Variants in EPM2A observed in about 807,000 individuals in gnomAD.
EPM2A encodes laforin.
Under a neutral mutation model 26.5 loss-of-function variants are expected in EPM2A, and 21 were observed. The ratio of observed to expected loss-of-function variants is 0.79; its 90% confidence interval spans 0.56 to 1.14. The LOEUF is 1.14. EPM2A is among the 50% of genes most tolerant of loss of function. The probability of loss-of-function intolerance (pLI) is 0.00; values close to 1 mark genes in which losing one functional copy is unlikely to be tolerated. For synonymous variants in EPM2A, 217 were observed against 177.6 expected (o/e 1.22, Z -1.76); for missense variants, 458 against 440.8 (o/e 1.04, Z -0.35).
At chr6:145,666,161 A>T (rs1779169866) in intron 2 of EPM2A, among the ~76,000 whole-genome samples, 2 of 140,156 alleles carry the variant, frequency 1.4e-5, no homozygotes, top group African/African-American at 5.6e-5. Context: ...AGTTCTGGCC[A>T]GGGCAATCAG....
At chr6:145,610,320 ACT>A (rs1196477457) in intron 2 of EPM2A, among the ~76,000 whole-genome samples, 3 of 152,198 alleles carry the variant, frequency 2.0e-5, no homozygotes, top group Non-Finnish European at 4.4e-5. Flanking sequence ...CAATTTTCCA[ACT>A]CTGTTTAGAA....
intron 1 of EPM2A, among the ~76,000 whole-genome samples, chr6:145,720,031 T>C (rs1775868127): frequency 6.6e-6 from 1 of 152,218 alleles, no homozygotes; most frequent in African/African-American, 2.4e-5. Flanking sequence ...ATTTGGATCA[T>C]ATCTCTCAAC....
At chr6:145,608,934 A>G (rs1485762106) in intron 2 of EPM2A, among the ~76,000 whole-genome samples, 1 of 152,220 alleles carries the variant, frequency 6.6e-6, no homozygotes, top group Non-Finnish European at 1.5e-5. Flanking sequence ...GGGAAAATAG[A>G]AAACTACTCA....
At chr6:145,413,930 C>T (rs1313971124) in intron 4 of EPM2A, among the ~76,000 whole-genome samples, 2 of 152,150 alleles carry the variant, frequency 1.3e-5, no homozygotes, top group Non-Finnish European at 2.9e-5. Flanking sequence ...TGTACTTGGC[C>T]TCTTCCCCCT....
chr6:145,447,976 A>T (rs1779147354), intron 4 of EPM2A, among the ~76,000 whole-genome samples: 1 of 152,144 alleles, frequency 6.6e-6, no homozygotes, highest in African/African-American at 2.4e-5. Flanking sequence ...CTTATACTTG[A>T]TAAACTATTG....
chr6:145,690,265 C>T lies in EPM2A; in HGVS notation c.302-3969G>A, dbSNP rs983705453. Among the ~76,000 whole-genome samples, 4 of 152,034 alleles carry T rather than the reference C, an allele frequency of 2.6e-5. No homozygotes were observed. In the East Asian group the frequency reaches 7.7e-4, roughly 29 times the overall value. ...GTGGCTCACGCCTGTAATCCCAGCA[C>T]TTTGGGAGGCCGAGGCGGGTGGATC... On this transcript the variant is annotated intron_variant, in intron 1 of 3. Coordinates refer to ENST00000367519, the MANE Select transcript of EPM2A (RefSeq NM_005670.4).
chr6:145,518,620 AAAAC>A (rs1490207918), intron 2 of EPM2A, among the ~76,000 whole-genome samples: 7 of 141,386 alleles, frequency 5.0e-5, no homozygotes, highest in African/African-American at 1.8e-4. Flanking sequence ...AAAAAAAAAA[AAAAC>A]AAAGAGGTTT....
chr6:145,693,902 G>A (rs1486736263), intron 1 of EPM2A, among the ~76,000 whole-genome samples: 1 of 151,900 alleles, frequency 6.6e-6, no homozygotes, highest in Non-Finnish European at 1.5e-5. Flanking sequence ...ATGTGTAGGA[G>A]TAAGGGAACT....
intron 4 of EPM2A, among the ~76,000 whole-genome samples, chr6:145,413,529 G>A (rs755994742): frequency 6.6e-6 from 1 of 152,044 alleles, no homozygotes; most frequent in African/African-American, 2.4e-5. Flanking sequence ...TTTCCAGCCC[G>A]TGGTTGAATC....
At chr6:145,449,240 A>T (rs2114707292) in intron 4 of EPM2A, among the ~76,000 whole-genome samples, 1 of 152,334 alleles carries the variant, frequency 6.6e-6, no homozygotes, top group African/African-American at 2.4e-5. Context: ...TGCCAAGTGC[A>T]AGGTTTCAGG....
intron 4 of EPM2A, among the ~76,000 whole-genome samples, chr6:145,457,464 C>A (rs565187221): frequency 3.4e-4 from 48 of 139,286 alleles, no homozygotes; most frequent in African/African-American, 1.2e-3. Context: ...AGCCTGGGCA[C>A]TAGAGTGACT....
Position 145,581,696 on chromosome 6 carries a change from A to T in EPM2A, c.340+53549T>A, listed in dbSNP as rs554959560. On this transcript the variant is annotated intron_variant, in intron 2 of 3. Coordinates refer to the EPM2A transcript ENST00000450221. ...TGATGTAAGAAAGGGGTCCAGTTTC[A>T]TTCTGCCTACAACTGGCCAGTTATC... 3.9e-5 allele frequency among the ~76,000 whole-genome samples: 6 copies of T among 152,300 alleles called. No individual in the cohort carries two copies. The South Asian group carries it at 1.2e-3, about 32-fold the overall frequency.
At chr6:145,506,180 G>A (rs981063168) in intron 2 of EPM2A, among the ~76,000 whole-genome samples, 1 of 152,176 alleles carries the variant, frequency 6.6e-6, no homozygotes, top group Non-Finnish European at 1.5e-5. Flanking sequence ...TAGTTGATTT[G>A]TGTTATAGCA....
chr6:145,620,846 T>C (rs1488881990), downstream of EPM2A, among the ~76,000 whole-genome samples: 3 of 152,248 alleles, frequency 2.0e-5, no homozygotes, highest in African/African-American at 2.4e-5. Flanking sequence ...CTGTCAAATA[T>C]TGTATTATTT....
rs966314930 is a variant in EPM2A, at chr6:145,635,414, T to A, written c.549A>T (p.Glu183Asp). Residue 183 changes from glutamate (E) to aspartate (D), a missense_variant, in exon 3 of 4, where the codon GAA becomes GAT. Transcript: ENST00000367519. The stretch of plus-strand genomic sequence containing the variant: ...AATTCATTACAGCTGTAATCCCCAA[T>A]TCATGCTTCAGTTTGATGGTTACAT... ...VEHVTIKLKH[E>D]LGITAVMNFQ... 6.2e-7 allele frequency: 1 copy of A among 1,614,112 alleles called. No homozygotes were observed. Among genetic ancestry groups the A allele is most frequent in the Non-Finnish European group, 8.5e-7 (1 of 1,179,968 alleles).
At chr6:145,644,743 C>G (rs767660873) in intron 2 of EPM2A, among the ~76,000 whole-genome samples, 2 of 151,976 alleles carry the variant, frequency 1.3e-5, no homozygotes, top group Non-Finnish European at 2.9e-5. Flanking sequence ...TTTCATTCAT[C>G]CTGAAGTCAG....
chr6:145,690,606 C>T (rs1423465085), intron 1 of EPM2A, among the ~76,000 whole-genome samples: 2 of 146,616 alleles, frequency 1.4e-5, no homozygotes, highest in African/African-American at 2.5e-5. Context: ...ACCCATTATA[C>T]CAATAACCAC....
chr6:145,629,913 A>C (rs1331232292), intron 3 of EPM2A: 3 of 152,290 alleles, frequency 2.0e-5, no homozygotes, highest in Non-Finnish European at 4.4e-5. Context: ...CGGTGCATAC[A>C]ACATCAGTGT....
chr6:145,393,752 G>C (rs6900171), intron 4 of EPM2A, among the ~76,000 whole-genome samples: 132,814 of 152,036 alleles, frequency 0.87, 58,183 homozygotes, highest in East Asian at 1. Context: ...TTCCCCATAA[G>C]AGCATTTTAT....
Sources: allele counts gnomAD v4.1 joint callset (sites outside exome capture counted in the v4.1 genomes callset), GRCh38; gene constraint gnomAD v4.1.1; transcripts MANE v1.5; gene names NCBI Gene and HGNC (gene_info 2026-07-23, HGNC 2026-07-21).